CD109: variants seen among roughly 807,000 people sequenced by gnomAD.
CD109 encodes CD109 molecule.
A neutral mutation model predicts 165.8 loss-of-function variants in CD109; 149 were observed. The ratio of observed to expected loss-of-function variants is 0.90; its 90% CI spans 0.79 to 1.03. The LOEUF is 1.03. Among genes scored for constraint, CD109 ranks in the 50% least tolerant of loss-of-function variants. The pLI, the probability that CD109 is intolerant of heterozygous loss-of-function variation, is 0.00. For synonymous variants in CD109, 585 were observed against 592.1 expected, an observed-to-expected ratio of 0.99 and a Z score of 0.18; for missense variants, 1,712 against 1,677.8, an observed-to-expected ratio of 1.02 and a Z score of -0.36.
intron 5 of CD109, among the ~76,000 whole-genome samples, chr6:73,741,422 C>G (rs1488342628): frequency 6.6e-6 from 1 of 152,180 alleles, no homozygotes; most frequent in Non-Finnish European, 1.5e-5. Context: ...GCTGTAACAT[C>G]TTTTCATAGA....
intron 23 of CD109, among the ~76,000 whole-genome samples, chr6:73,794,004 T>C (rs6925924): frequency 0.54 from 81,865 of 151,656 alleles, 22,560 homozygotes; most frequent in African/African-American, 0.65. Flanking sequence ...AATTTCTCCA[T>C]AGGAGAATTA....
At chr6:73,685,767 T>A in the CD109 span, among the ~76,000 whole-genome samples, 1 of 152,194 alleles carries the variant, frequency 6.6e-6, no homozygotes, top group Non-Finnish European at 1.5e-5. Context: ...CCTCATAGCT[T>A]AGCTTTCACT....
chr6:73,716,564 G>A (rs1004775252), intron 2 of CD109, among the ~76,000 whole-genome samples: 2 of 152,076 alleles, frequency 1.3e-5, no homozygotes, highest in African/African-American at 4.8e-5. Flanking sequence ...ATACCTGTTT[G>A]CCATTTGTAT....
Position 73,792,754 on chromosome 6 carries a change from C to T in CD109, c.2830C>T (p.Gln944Ter). 6.2e-7 allele frequency: 1 copy of T among 1,612,056 alleles called. No homozygotes were observed. The highest frequency in any genetic ancestry group is 8.5e-7 in the Non-Finnish European group (1 of 1,179,604). The change falls in exon 23 of 33, where the codon CAA becomes TAA. Residue 944 changes from glutamine to a stop codon, truncating the protein, a stop_gained. Transcript: ENST00000287097. LOFTEE classifies it high-confidence loss of function. ...YILDYLTKKK[Q>*]LTDNLKEKAL... ...TTTGGATTATCTGACTAAAAAGAAA[C>T]AACTGACAGATAATTTGAAAGAAAA...
At chr6:73,720,787 A>T (rs1052611453) in intron 2 of CD109, among the ~76,000 whole-genome samples, 1 of 152,222 alleles carries the variant, frequency 6.6e-6, no homozygotes, top group African/African-American at 2.4e-5. Context: ...GTCAACTGGG[A>T]TAATCCTGGT....
intron 32 of CD109, among the ~76,000 whole-genome samples, chr6:73,821,849 G>A (rs1367326151): frequency 6.6e-6 from 1 of 152,112 alleles, no homozygotes; most frequent in Non-Finnish European, 1.5e-5. Flanking sequence ...TAACAAACTT[G>A]TACATGTACC....
Position 73,810,105 on chromosome 6 carries a change from T to A in CD109, c.3477T>A (p.Ser1159=). The change falls in exon 27 of 33, where the codon TCT becomes TCA. Residue 1159 remains serine, a synonymous_variant. Transcript: ENST00000287097. ...CACACTTCTTACAATTTCAGACTTC[T>A]GAGGGAATCCCAATTATGAGGTGGC... The part of the protein sequence containing the change: ...LLSHFLQFQT[S]EGIPIMRWLS... 6.2e-7 allele frequency: 1 copy of A among 1,609,592 alleles called. No individual in the cohort carries two copies. Among genetic ancestry groups the A allele is most frequent in the Non-Finnish European group, 8.5e-7 (1 of 1,178,646 alleles).
At chr6:73,761,167 T>C (rs1773615948) in intron 7 of CD109, among the ~76,000 whole-genome samples, 1 of 152,110 alleles carries the variant, frequency 6.6e-6, no homozygotes. Flanking sequence ...ATGAGCACAT[T>C]TGGTGCTTCA....
intron 30 of CD109, among the ~76,000 whole-genome samples, chr6:73,817,661 T>C (rs1213548590): frequency 6.6e-6 from 1 of 152,234 alleles, no homozygotes; most frequent in African/African-American, 2.4e-5. Context: ...CCTTCTGCTC[T>C]AAATGAAAAG....
At chr6:73,815,551 A>T (rs1482194219) in intron 30 of CD109, among the ~76,000 whole-genome samples, 1 of 152,190 alleles carries the variant, frequency 6.6e-6, no homozygotes, top group Admixed American at 6.5e-5. Context: ...ATGCAAATTC[A>T]ATCAAGAGGA....
intron 23 of CD109, among the ~76,000 whole-genome samples, chr6:73,802,396 C>T (rs1414174051): frequency 6.8e-6 from 1 of 147,518 alleles, no homozygotes; most frequent in Non-Finnish European, 1.5e-5. Context: ...TTGGCCATGG[C>T]CCCAAAATTT....
At chr6:73,745,437 A>C (rs1404634059) in intron 5 of CD109, among the ~76,000 whole-genome samples, 2 of 152,134 alleles carry the variant, frequency 1.3e-5, no homozygotes, top group Non-Finnish European at 2.9e-5. Context: ...CCTCCTTTTA[A>C]GGTTGAATTT....
chr6:73,775,943 T>C (rs1774229596), intron 15 of CD109, among the ~76,000 whole-genome samples: 1 of 152,246 alleles, frequency 6.6e-6, no homozygotes, highest in Non-Finnish European at 1.5e-5. Context: ...TTTGATTCCA[T>C]GTCTTTGCTT....
intron 23 of CD109, among the ~76,000 whole-genome samples, chr6:73,801,413 A>AT (rs1775356429): frequency 6.6e-6 from 1 of 152,256 alleles, no homozygotes; most frequent in African/African-American, 2.4e-5. Context: ...TAATAATTCA[A>AT]TTAGAAACAT....
In CD109 at chr6:73,750,598, C is replaced by T. The variant is rs939056939; in HGVS notation, c.634-6045C>T. Among the ~76,000 whole-genome samples, 3 of 152,182 alleles carry T rather than the reference C, an allele frequency of 2.0e-5. 1 individual carries two copies. The highest frequency in any genetic ancestry group is 6.5e-5 in the Admixed American group (1 of 15,274). ...GCAATAAAGCGCATAAATAGCTATA[C>T]ATAACATAGCTATGTAATGTAGGGT... On this transcript the variant is annotated intron_variant, in intron 5 of 32. Transcript: ENST00000287097.
upstream of CD109, among the ~76,000 whole-genome samples, chr6:73,693,364 G>A (rs761469714): frequency 4.6e-5 from 7 of 152,120 alleles, no homozygotes; most frequent in Non-Finnish European, 7.4e-5. Flanking sequence ...TGTGGGAACT[G>A]AGTACTCACT....
intron 32 of CD109, among the ~76,000 whole-genome samples, chr6:73,821,233 A>T (rs1020799606): frequency 2.0e-5 from 3 of 152,140 alleles, no homozygotes; most frequent in Non-Finnish European, 4.4e-5. Context: ...GGTGCAGCAC[A>T]CCAACATGGC....
chr6:73,798,725 A>C (rs1432345551), intron 23 of CD109, among the ~76,000 whole-genome samples: 1 of 152,032 alleles, frequency 6.6e-6, no homozygotes, highest in Non-Finnish European at 1.5e-5. Flanking sequence ...CTAGTTGTTG[A>C]TATTAATGGG....
rs1473036470 is a variant in CD109, at chr6:73,697,276, TAACGGAAAC to T, written c.75-120_75-112del. On this transcript the variant is annotated intron_variant, in intron 1 of 32. Transcript: ENST00000287097. ...TGCCAAATAGAGCAGTGGGCAATGT[TAACGGAAAC>T]AACTGCAATTGGCGCAGTATGGAGT... 1.2e-5 allele frequency: 9 copies of T among 749,150 alleles called. No homozygotes were observed. In the African/African-American group the frequency reaches 1.2e-4, roughly 10 times the overall value. 46.4% of individuals were successfully genotyped at this position (749,150 alleles called of 1,614,324 possible). A position where few individuals can be genotyped will look rare whatever the true frequency, so the allele number is the denominator to read the frequency against.
Sources: gnomAD v4.1 joint callset for allele counts (sites outside exome capture counted in the v4.1 genomes callset) on GRCh38, gnomAD v4.1.1 for gene constraint, MANE v1.5 for transcripts, NCBI Gene and HGNC (gene_info 2026-07-23, HGNC 2026-07-21) for gene names.